The following SEMA3D variants were observed in gnomAD, a reference collection of about 807,000 sequenced individuals.
The protein encoded by SEMA3D is semaphorin 3D, also known as semaphorin-3D.
SEMA3D carries 84 observed loss-of-function variants against 100.1 expected under a neutral mutation model. That is an observed-to-expected ratio of 0.84 (90% CI 0.70 to 1.01). The LOEUF (loss-of-function observed/expected upper bound fraction) is 1.01. Ranked by LOEUF, SEMA3D falls within the 50% of genes least tolerant of loss-of-function variation. The pLI, the probability that SEMA3D is intolerant of heterozygous loss-of-function variation, is 0.00. For synonymous variants in SEMA3D, 312 were observed against 320.7 expected (o/e 0.97, Z 0.29); for missense variants, 875 against 934.1 (o/e 0.94, Z 0.82).
chr7:85,154,737 C>T (rs1019203), intron 1 of SEMA3D, among the ~76,000 whole-genome samples: 66,518 of 151,948 alleles, frequency 0.44, 15,547 homozygotes, highest in East Asian at 0.7. Flanking sequence ...TGAGTAAGTG[C>T]ATTGACTAAA....
intron 17 of SEMA3D, among the ~76,000 whole-genome samples, chr7:85,009,644 G>T (rs542234822): frequency 6.6e-6 from 1 of 151,312 alleles, no homozygotes; most frequent in East Asian, 2.0e-4. Flanking sequence ...TATAAAGTAA[G>T]AAATAAAATT....
At chr7:85,066,913 C>CACACACAGAGAGAGAGAG in intron 7 of SEMA3D, among the ~76,000 whole-genome samples, 3 of 127,820 alleles carry the variant, frequency 2.3e-5, no homozygotes, top group African/African-American at 9.4e-5. Context: ...CACACACACA[C>CACACACAGAGAGAGAGAG]AGAGAGAGAG....
At chr7:85,149,763 A>G (rs1233825607) in intron 2 of SEMA3D, among the ~76,000 whole-genome samples, 1 of 152,176 alleles carries the variant, frequency 6.6e-6, no homozygotes, top group African/African-American at 2.4e-5. Context: ...TAACATTAGC[A>G]TCTAATAGTC....
chr7:85,227,911 A>G, the SEMA3D span, among the ~76,000 whole-genome samples: 1 of 152,192 alleles, frequency 6.6e-6, no homozygotes, highest in Non-Finnish European at 1.5e-5. Flanking sequence ...CAATGGAACA[A>G]AGATTAACAC....
At chr7:85,060,373 T>A (rs556556795) in intron 8 of SEMA3D, among the ~76,000 whole-genome samples, 1 of 152,178 alleles carries the variant, frequency 6.6e-6, no homozygotes, top group Non-Finnish European at 1.5e-5. Flanking sequence ...AGAACTCTGA[T>A]GTTAGTATTT....
intron 1 of SEMA3D, among the ~76,000 whole-genome samples, chr7:85,170,514 T>C (rs1791055871): frequency 6.6e-6 from 1 of 151,948 alleles, no homozygotes; most frequent in Admixed American, 6.6e-5. Flanking sequence ...AAAAGTTCTA[T>C]GTCAGGCAGA....
chr7:85,073,808 T>A (rs1321889338), intron 5 of SEMA3D, among the ~76,000 whole-genome samples: 1 of 152,190 alleles, frequency 6.6e-6, no homozygotes, highest in South Asian at 2.1e-4. Flanking sequence ...ATAATTTCCA[T>A]AATCTCTGTT....
At chr7:85,057,661 G>A (rs1791359609) in intron 8 of SEMA3D, among the ~76,000 whole-genome samples, 1 of 152,106 alleles carries the variant, frequency 6.6e-6, no homozygotes, top group Non-Finnish European at 1.5e-5. Flanking sequence ...GGCTGGGTGT[G>A]GTGGCTCACG....
At chr7:85,094,670 A>G (rs1231225194) in intron 4 of SEMA3D, among the ~76,000 whole-genome samples, 1 of 151,894 alleles carries the variant, frequency 6.6e-6, no homozygotes, top group Non-Finnish European at 1.5e-5. Flanking sequence ...TTCTCTTACA[A>G]TGTGATCACT....
intron 18 of SEMA3D, among the ~76,000 whole-genome samples, chr7:85,003,478 G>A (rs1789709925): frequency 6.6e-6 from 1 of 151,962 alleles, no homozygotes; most frequent in South Asian, 2.1e-4. Context: ...TCTCATTGGG[G>A]AAGGAGTCTT....
chr7:85,086,667 G>A (rs1788226470), intron 4 of SEMA3D, among the ~76,000 whole-genome samples: 2 of 144,414 alleles, frequency 1.4e-5, no homozygotes, highest in Admixed American at 7.0e-5. Context: ...TGTGTGTATA[G>A]ATGCATGTGG....
At chr7:85,206,990 A>C in the SEMA3D span, among the ~76,000 whole-genome samples, 1 of 152,214 alleles carries the variant, frequency 6.6e-6, no homozygotes, top group Non-Finnish European at 1.5e-5. Flanking sequence ...GAATTTGATA[A>C]GGATTTGATC....
chr7:85,150,487 T>TATAC (rs1554348784), intron 2 of SEMA3D, among the ~76,000 whole-genome samples: 7 of 135,966 alleles, frequency 5.1e-5, no homozygotes, highest in South Asian at 2.3e-4. Context: ...TATATATATA[T>TATAC]ACACACACAC....
At chr7:85,143,251 A>G in intron 2 of SEMA3D, 1 of 591,638 alleles carries the variant, frequency 1.7e-6, no homozygotes, top group Non-Finnish European at 2.1e-6. Flanking sequence ...TAATACTTTT[A>G]TTATAATTCC....
chr7:85,118,823 T>C, intron 3 of SEMA3D, among the ~76,000 whole-genome samples: 1 of 152,208 alleles, frequency 6.6e-6, no homozygotes, highest in East Asian at 1.9e-4. Context: ...ATTTTTGCTT[T>C]TGTTGCAATT....
intron 4 of SEMA3D, among the ~76,000 whole-genome samples, chr7:85,096,446 G>A (rs977288225): frequency 1.3e-5 from 2 of 151,778 alleles, no homozygotes; most frequent in African/African-American, 4.8e-5. Context: ...ATCATATGAG[G>A]TTTTTAGTGT....
At chr7:85,037,267 A>C (rs988906062) in intron 11 of SEMA3D, among the ~76,000 whole-genome samples, 1 of 152,200 alleles carries the variant, frequency 6.6e-6, no homozygotes, top group Non-Finnish European at 1.5e-5. Flanking sequence ...TAGAACATGC[A>C]TGGGTACCCA....
At chr7:85,234,729 T>C in the SEMA3D span, among the ~76,000 whole-genome samples, 6 of 152,200 alleles carry the variant, frequency 3.9e-5, no homozygotes, top group African/African-American at 1.4e-4. Flanking sequence ...ATAACAGGTG[T>C]GTTAAAGGAA....
At chr7:85,227,068 A>G in the SEMA3D span, among the ~76,000 whole-genome samples, 1 of 152,184 alleles carries the variant, frequency 6.6e-6, no homozygotes, top group Non-Finnish European at 1.5e-5. Flanking sequence ...GAAAAATGAT[A>G]TTGAGTTAAT....
Sources: allele counts gnomAD v4.1 joint callset (sites outside exome capture counted in the v4.1 genomes callset), GRCh38; gene constraint gnomAD v4.1.1; transcripts MANE v1.5; gene names NCBI Gene and HGNC (gene_info 2026-07-23, HGNC 2026-07-21).